Variants in LRRK2 observed in about 807,000 individuals in gnomAD.
The protein encoded by LRRK2 is leucine-rich repeat serine/threonine-protein kinase 2.
Under a neutral mutation model 302.6 loss-of-function variants are expected in LRRK2, and 203 were observed. The ratio of observed to expected loss-of-function variants is 0.67; its 90% CI spans 0.60 to 0.75. LRRK2 has a LOEUF of 0.75. Among genes scored for constraint, LRRK2 ranks in the 30% least tolerant of loss-of-function variants. The pLI is 0.00. For synonymous variants in LRRK2, 1,066 were observed against 1,031.9 expected (o/e 1.03, Z -0.63); for missense variants, 2,830 against 2,951.0 (o/e 0.96, Z 0.95).
chr12:40,335,288 C>T, intron 40 of LRRK2, 131 bp downstream of exon 40: 1 of 1,014,446 alleles, frequency 9.9e-7, no homozygotes, highest in Middle Eastern at 2.5e-4. Context: ...ATGAAAACTA[C>T]CATTTCCCTG....
At chr12:40,320,985 G>C in intron 34 of LRRK2, 49 bp from the exon 35 acceptor site, 1 of 1,601,730 alleles carries the variant, frequency 6.2e-7, no homozygotes, top group Non-Finnish European at 8.5e-7. Flanking sequence ...GCTCAACAAG[G>C]TTGGGTGTTT....
chr12:40,302,340 C>T (rs545712866), intron 25 of LRRK2, among the ~76,000 whole-genome samples: 1 of 152,036 alleles, frequency 6.6e-6, no homozygotes, highest in South Asian at 2.1e-4. Flanking sequence ...CATTATTATT[C>T]CATAGAACAC....
At chr12:40,362,273 G>T (rs1167284678) in intron 47 of LRRK2, among the ~76,000 whole-genome samples, 1 of 151,814 alleles carries the variant, frequency 6.6e-6, no homozygotes, top group African/African-American at 2.4e-5. Context: ...GAAAGAAAAG[G>T]GGGAGGAAAA....
chr12:40,352,081 GA>G (rs1946369446), intron 44 of LRRK2, among the ~76,000 whole-genome samples: 1 of 152,184 alleles, frequency 6.6e-6, no homozygotes, highest in Non-Finnish European at 1.5e-5. Flanking sequence ...AGGAGCTCTG[GA>G]ATATGAATAG....
At chr12:40,354,141 A>G (rs1364997663) in intron 44 of LRRK2, among the ~76,000 whole-genome samples, 158 bp from the exon 45 acceptor site, 1 of 152,256 alleles carries the variant, frequency 6.6e-6, no homozygotes, top group African/African-American at 2.4e-5. Flanking sequence ...CAATTAACTC[A>G]TTTATTGCTG....
chr12:40,346,474 C>T (rs1030017246), intron 41 of LRRK2, among the ~76,000 whole-genome samples: 7 of 151,938 alleles, frequency 4.6e-5, no homozygotes, highest in Non-Finnish European at 1.0e-4. Context: ...AATGTTTATC[C>T]TTATTATCAT....
Position 40,360,141 on chromosome 12 carries a change from C to A in LRRK2, c.7028+697C>A, listed in dbSNP as rs1315393997. Among the ~76,000 whole-genome samples, 2 of 152,004 alleles carry A rather than the reference C, an allele frequency of 1.3e-5. 1 individual carries two copies. Among genetic ancestry groups the A allele is most frequent in the Non-Finnish European group, 2.9e-5 (2 of 67,978 alleles). Reference sequence around the variant, plus strand: ...TGGTTTTGTGAACTTGGGCAATAACCTTTCACATCTTCAGTCATCTCTTAC... The same window carrying A: ...TGGTTTTGTGAACTTGGGCAATAACATTTCACATCTTCAGTCATCTCTTAC... On this transcript the variant is annotated intron_variant, in intron 47 of 50. Transcript: ENST00000298910.
At chr12:40,360,732 TC>T (rs1283311729) in intron 47 of LRRK2, among the ~76,000 whole-genome samples, 2 of 152,090 alleles carry the variant, frequency 1.3e-5, no homozygotes, top group African/African-American at 4.8e-5. Context: ...TGCTTACCTG[TC>T]TAGATTCATA....
chr12:40,334,761 G>T (rs374426625), intron 39 of LRRK2, among the ~76,000 whole-genome samples: 1 of 152,030 alleles, frequency 6.6e-6, no homozygotes, highest in Non-Finnish European at 1.5e-5. Flanking sequence ...TCAATCCCAT[G>T]TTGTCCATAG....
At chr12:40,264,139 C>T (rs772436143) in intron 14 of LRRK2, among the ~76,000 whole-genome samples, 2 of 152,080 alleles carry the variant, frequency 1.3e-5, no homozygotes, top group Non-Finnish European at 1.5e-5. Context: ...TTTTGATTGC[C>T]AGTAACATAA....
chr12:40,343,031 A>G (rs915849588), intron 41 of LRRK2, among the ~76,000 whole-genome samples: 2 of 152,176 alleles, frequency 1.3e-5, no homozygotes, highest in Non-Finnish European at 2.9e-5. Context: ...AGAGAATATA[A>G]AAAAACATTT....
chr12:40,359,734 G>A (rs1195202126), intron 47 of LRRK2, among the ~76,000 whole-genome samples: 1 of 152,010 alleles, frequency 6.6e-6, no homozygotes, highest in Non-Finnish European at 1.5e-5. Context: ...TTTATTATCT[G>A]TGTTTCAAAT....
At chr12:40,282,049 C>T (rs187470627) in intron 18 of LRRK2, among the ~76,000 whole-genome samples, 30 of 28,890 alleles carry the variant, frequency 1.0e-3, no homozygotes, top group South Asian at 9.4e-3. Context: ...CCTTCCCTTC[C>T]CTTCCCTTCC....
At chr12:40,291,361 T>C (rs1202515226) in intron 20 of LRRK2, among the ~76,000 whole-genome samples, 1 of 151,574 alleles carries the variant, frequency 6.6e-6, no homozygotes. Flanking sequence ...CACACCAGCA[T>C]GGCACATGTA....
chr12:40,308,948 G>C (rs17491124), intron 29 of LRRK2, among the ~76,000 whole-genome samples, 158 bp from the exon 30 acceptor site: 38 of 152,204 alleles, frequency 2.5e-4, no homozygotes, highest in African/African-American at 8.4e-4. Flanking sequence ...GTCAATCCTA[G>C]TAAAAACCCA....
intron 33 of LRRK2, among the ~76,000 whole-genome samples, chr12:40,318,753 G>A (rs910043739): frequency 2.0e-5 from 3 of 151,916 alleles, no homozygotes; most frequent in African/African-American, 7.3e-5. Context: ...TGTCAAAAAA[G>A]GTCTTAGCAC....
chr12:40,243,487 G>A, intron 6 of LRRK2, 63 bp from the exon 7 acceptor site: 7 of 1,575,272 alleles, frequency 4.4e-6, no homozygotes, highest in Non-Finnish European at 6.1e-6. Context: ...AGACGTCTTT[G>A]TATGCATATT....
chr12:40,354,155 A>G, intron 44 of LRRK2, 144 bp from the exon 45 acceptor site: 1 of 687,970 alleles, frequency 1.5e-6, no homozygotes, highest in Non-Finnish European at 2.4e-6. Flanking sequence ...ATTGCTGAAA[A>G]TTAAATAAAA....
chr12:40,247,684 A>G (rs1175537179), intron 7 of LRRK2, among the ~76,000 whole-genome samples: 33 of 55,458 alleles, frequency 6.0e-4, no homozygotes, highest in South Asian at 2.3e-3. Context: ...ATATACATTT[A>G]TATATAAATA....
Sources: allele counts gnomAD v4.1 joint callset (sites outside exome capture counted in the v4.1 genomes callset), GRCh38; gene constraint gnomAD v4.1.1; transcripts MANE v1.5; gene names NCBI Gene and HGNC (gene_info 2026-07-23, HGNC 2026-07-21).